The following ZFHX3 variants were observed in gnomAD, a reference collection of about 807,000 sequenced individuals.
The protein encoded by ZFHX3 is zinc finger homeobox protein 3.
A neutral mutation model predicts 279.1 loss-of-function variants in ZFHX3; 42 were observed. The observed-to-expected ratio is 0.15, with a 90% CI of 0.12 to 0.19. The LOEUF (loss-of-function observed/expected upper bound fraction) is 0.19. Among genes scored for constraint, ZFHX3 ranks in the 10% least tolerant of loss-of-function variants. The pLI, the probability that ZFHX3 is intolerant of heterozygous loss-of-function variation, is 1.00. For synonymous variants in ZFHX3, 2,293 were observed against 1,957.8 expected (o/e 1.17, Z -4.52); for missense variants, 4,981 against 4,754.0 (o/e 1.05, Z -1.40).
intron 2 of ZFHX3, among the ~76,000 whole-genome samples, chr16:73,509,501 T>TA: frequency 6.7e-6 from 1 of 149,270 alleles, no homozygotes; most frequent in Admixed American, 6.8e-5. Flanking sequence ...GTCCAGACAG[T>TA]TTAGCTTTCT....
Position 72,950,677 on chromosome 16 carries a change from C to T in ZFHX3, c.3008G>A (p.Cys1003Tyr), listed in dbSNP as rs2144394858. Residue 1003 changes from cysteine (C) to tyrosine (Y), a missense_variant, in exon 3 of 10, where the codon TGC becomes TAC. This residue lies in a region of ZFHX3 where 1,751 missense variants were observed against 1,770.0 expected (regional missense o/e 0.99). Coordinates refer to ENST00000268489, the MANE Select transcript of ZFHX3 (RefSeq NM_006885.4). ...TQLKANFQLHCKTDKHVQKYQ... is the reference protein window; with the variant it reads ...TQLKANFQLHYKTDKHVQKYQ... ...CTTCTGCACGTGCTTGTCTGTCTTG[C>T]AGTGCAGCTGGAAGTTGGCCTTGAG... The T allele has an allele frequency of 6.2e-7, 1 of 1,614,230 alleles. No homozygotes were observed. Among genetic ancestry groups the T allele is most frequent in the Non-Finnish European group, 8.5e-7 (1 of 1,180,032 alleles).
intron 1 of ZFHX3, among the ~76,000 whole-genome samples, chr16:73,712,078 G>A (rs1313658964): frequency 6.6e-6 from 1 of 152,214 alleles, no homozygotes; most frequent in Non-Finnish European, 1.5e-5. Flanking sequence ...TGGCTCATAC[G>A]GAGGATGGAG....
intron 1 of ZFHX3, among the ~76,000 whole-genome samples, chr16:73,773,026 C>T (rs538005432): frequency 6.6e-6 from 1 of 152,306 alleles, no homozygotes; most frequent in African/African-American, 2.4e-5. Context: ...ATTTTGGGTC[C>T]TTAGACCCAG....
chr16:72,951,511 C>A (rs1175943692), intron 2 of ZFHX3, among the ~76,000 whole-genome samples: 2 of 152,192 alleles, frequency 1.3e-5, no homozygotes, highest in Non-Finnish European at 2.9e-5. Context: ...ATCCAACTGC[C>A]TCGGCCACCC....
chr16:73,528,009 A>G (rs1016557661), intron 2 of ZFHX3, among the ~76,000 whole-genome samples: 1 of 152,190 alleles, frequency 6.6e-6, no homozygotes, highest in African/African-American at 2.4e-5. Flanking sequence ...TCAATAGAAA[A>G]CTAATACACC....
At position 72,950,643 on chromosome 16, in the gene ZFHX3, C is replaced by G. The variant is rs914237796; in HGVS notation, c.3042G>C (p.Leu1014=). 1.5e-5 allele frequency: 25 copies of G among 1,614,112 alleles called. No homozygotes were observed. Among genetic ancestry groups the G allele is most frequent in the Non-Finnish European group, 2.0e-5 (24 of 1,180,056 alleles). The change falls in exon 3 of 10, where the codon CTG becomes CTC. Residue 1014 remains leucine (L), a synonymous_variant. Coordinates refer to ENST00000268489, the MANE Select transcript of ZFHX3 (RefSeq NM_006885.4). ...KTDKHVQKYQ[L]VAHIKEGGKA... ...TGCCGCCCTCCTTGATGTGGGCCAC[C>G]AGCTGGTACTTCTGCACGTGCTTGT...
intron 1 of ZFHX3, among the ~76,000 whole-genome samples, chr16:73,797,102 C>G (rs1960016352): frequency 6.6e-6 from 1 of 151,858 alleles, no homozygotes; most frequent in Admixed American, 6.5e-5. Context: ...GCTTGGGAGG[C>G]TGAGGCAGGA....
intron 1 of ZFHX3, chr16:73,014,210 G>C (rs12325298): frequency 0.59 from 90,130 of 152,010 alleles, 28,302 homozygotes; most frequent in East Asian, 0.84. Flanking sequence ...CTACGAGAAA[G>C]CAGCCCTGCC....
intron 1 of ZFHX3, among the ~76,000 whole-genome samples, chr16:73,730,928 G>C (rs1373456486): frequency 6.6e-6 from 1 of 152,196 alleles, no homozygotes; most frequent in Non-Finnish European, 1.5e-5. Context: ...GGGCTTAGCG[G>C]AACATTCCAT....
intron 2 of ZFHX3, among the ~76,000 whole-genome samples, chr16:73,600,885 G>A (rs1172288421): frequency 6.6e-6 from 1 of 152,044 alleles, no homozygotes; most frequent in Non-Finnish European, 1.5e-5. Context: ...CATGGGGATT[G>A]GAACCCAGTC....
intron 4 of ZFHX3, among the ~76,000 whole-genome samples, chr16:73,308,406 T>C (rs2015244279): frequency 6.6e-6 from 1 of 151,846 alleles, no homozygotes; most frequent in Non-Finnish European, 1.5e-5. Flanking sequence ...GCCTCCTGCC[T>C]CAGTCTCCCT....
chr16:73,209,562 T>G lies in ZFHX3; in HGVS notation c.-1104+47485A>C, dbSNP rs78900268. ...CCCTTTTTATAGCAACATTAATCCA[T>G]GAAGCACTTCCCATTAGGTCCCATC... On this transcript the variant is annotated intron_variant, in intron 5 of 17. Coordinates refer to the ZFHX3 transcript ENST00000641206. Among the ~76,000 whole-genome samples the G allele has an allele frequency of 8.4e-3, 1,281 of 152,306 alleles. 12 individuals carry two copies. The highest frequency in any genetic ancestry group is 0.014 in the Non-Finnish European group (923 of 68,028).
At chr16:73,046,360 A>G (rs1965303072) in intron 1 of ZFHX3, among the ~76,000 whole-genome samples, 1 of 151,982 alleles carries the variant, frequency 6.6e-6, no homozygotes, top group Non-Finnish European at 1.5e-5. Flanking sequence ...CAAGGAGCAG[A>G]CTCATGTTTC....
chr16:73,383,508 G>A lies in ZFHX3; in HGVS notation c.-1290-65172C>T, dbSNP rs151238471. Among the ~76,000 whole-genome samples the A allele has an allele frequency of 8.5e-5, 13 of 152,300 alleles. No individual in the cohort carries two copies. The East Asian group carries it at 2.1e-3, about 25-fold the overall frequency. On this transcript the variant is annotated intron_variant, in intron 3 of 17. Coordinates refer to the ZFHX3 transcript ENST00000641206. ...AGAACGCACACAGACGAGAGCTGCC[G>A]GGGAGAGGCAGCGGAGCTGACATTT...
rs183954172 is a variant in ZFHX3, at chr16:73,786,957, G to A, written c.-1608+104694C>T. ...TCTTGGTGTTGTCTTTTTCAGGCAT[G>A]TGGTTTCATCTTTCTGTCATCCACT... is the stretch of plus-strand genomic sequence containing the variant. On this transcript the variant is annotated intron_variant, in intron 1 of 17. Coordinates refer to the ZFHX3 transcript ENST00000641206. Among the ~76,000 whole-genome samples, 6 of 152,286 alleles carry A rather than the reference G, an allele frequency of 3.9e-5. No homozygotes were observed. The East Asian group carries it at 9.7e-4, about 24-fold the overall frequency.
intron 2 of ZFHX3, among the ~76,000 whole-genome samples, chr16:73,601,596 A>G (rs1044890888): frequency 6.6e-6 from 1 of 152,210 alleles, no homozygotes; most frequent in Non-Finnish European, 1.5e-5. Context: ...TACATCCTAC[A>G]TAGTAATCCA....
At chr16:73,839,532 T>TCTTAGAAAA (rs1441182114) in intron 1 of ZFHX3, among the ~76,000 whole-genome samples, 1 of 151,986 alleles carries the variant, frequency 6.6e-6, no homozygotes, top group Non-Finnish European at 1.5e-5. Flanking sequence ...AATCAAATCA[T>TCTTAGAAAA]CTTAGAAAAA....
At chr16:73,417,015 C>A (rs1412117121) in intron 3 of ZFHX3, among the ~76,000 whole-genome samples, 2 of 151,956 alleles carry the variant, frequency 1.3e-5, no homozygotes, top group African/African-American at 2.4e-5. Flanking sequence ...CCCAAGTGAC[C>A]AAAGGGACTA....
chr16:73,573,293 A>G (rs1011854675), intron 2 of ZFHX3, among the ~76,000 whole-genome samples: 4 of 151,926 alleles, frequency 2.6e-5, no homozygotes, highest in African/African-American at 7.3e-5. Flanking sequence ...ACCCTCCCCA[A>G]TGTGAAGGGA....
Sources: allele counts gnomAD v4.1 joint callset (sites outside exome capture counted in the v4.1 genomes callset), GRCh38; gene constraint gnomAD v4.1.1; regional missense constraint gnomAD v4.1.1; transcripts MANE v1.5; gene names NCBI Gene and HGNC (gene_info 2026-07-23, HGNC 2026-07-21).